The following KCNJ6 variants were observed in gnomAD, a reference collection of about 807,000 sequenced individuals.
KCNJ6 encodes the protein potassium inwardly rectifying channel subfamily J member 6.
A neutral mutation model predicts 34.2 loss-of-function variants in KCNJ6; 9 were observed. The observed-to-expected ratio is 0.26, with a 90% CI of 0.16 to 0.46. The LOEUF (loss-of-function observed/expected upper bound fraction) is 0.46, where lower values mean the gene tolerates loss of function less well. Ranked by LOEUF, KCNJ6 falls within the 20% of genes least tolerant of loss-of-function variation. KCNJ6 has a pLI of 1.00. For missense variants in KCNJ6, 236 were observed against 531.3 expected (o/e 0.44, Z 5.46); for synonymous variants, 196 against 207.1 (o/e 0.95, Z 0.46).
At chr21:37,707,821 C>T (rs969582356) in intron 3 of KCNJ6, among the ~76,000 whole-genome samples, 18 of 136,678 alleles carry the variant, frequency 1.3e-4, no homozygotes, top group East Asian at 4.3e-4. Flanking sequence ...ACCTGCTGTC[C>T]GCACTTGTAT....
rs2054280069 is a variant in KCNJ6, at chr21:37,618,348, AG to A, written c.*6810del. The A allele has an allele frequency of 6.6e-6, 1 of 152,242 alleles. No homozygotes were observed. The highest frequency in any genetic ancestry group is 2.1e-4 in the South Asian group (1 of 4,830). The allele number at this position is 152,242 out of a possible 1,614,324, so 9.4% of individuals were successfully genotyped here. Reference sequence around the variant, plus strand: ...CTGGACTAGGCTCTTTGTAGCCAAAAGTCTGCTCCTAGGCTCCTGGAAGACC... The same window carrying A: ...CTGGACTAGGCTCTTTGTAGCCAAAATCTGCTCCTAGGCTCCTGGAAGACC... On this transcript the variant is annotated 3_prime_UTR_variant, in exon 4 of 4. Transcript: ENST00000609713.
chr21:37,692,715 CAT>C (rs1323429900), intron 3 of KCNJ6, among the ~76,000 whole-genome samples: 6 of 152,236 alleles, frequency 3.9e-5, no homozygotes, highest in African/African-American at 1.4e-4. Context: ...TTCAAAGAGA[CAT>C]AGAATATTGA....
chr21:37,859,436 C>A (rs575165364), intron 1 of KCNJ6, among the ~76,000 whole-genome samples: 1 of 128,002 alleles, frequency 7.8e-6, no homozygotes, highest in African/African-American at 3.1e-5. Flanking sequence ...GAACTGGAGT[C>A]TAGGAAGGGT....
At chr21:37,853,861 T>TATATATATATATATATATATATATAG (rs940498600) in intron 1 of KCNJ6, among the ~76,000 whole-genome samples, 1 of 146,732 alleles carries the variant, frequency 6.8e-6, no homozygotes, top group Non-Finnish European at 1.5e-5. Context: ...TATATATATA[T>TATATATATATATATATATATATATAG]AAATTACATT....
At chr21:37,794,285 G>T (rs1478219369) in intron 2 of KCNJ6, among the ~76,000 whole-genome samples, 1 of 152,116 alleles carries the variant, frequency 6.6e-6, no homozygotes, top group African/African-American at 2.4e-5. Flanking sequence ...CATGTCTCTG[G>T]ACCAGACTAT....
At chr21:37,730,423 T>G (rs1250655284) in intron 2 of KCNJ6, among the ~76,000 whole-genome samples, 1 of 152,084 alleles carries the variant, frequency 6.6e-6, no homozygotes, top group African/African-American at 2.4e-5. Context: ...TTTCCTCAAC[T>G]GCATAATGAA....
At chr21:37,790,766 C>T (rs2055213029) in intron 2 of KCNJ6, among the ~76,000 whole-genome samples, 1 of 152,186 alleles carries the variant, frequency 6.6e-6, no homozygotes, top group South Asian at 2.1e-4. Context: ...ATTTCTGCTC[C>T]TCTTTTGCAA....
chr21:37,914,249 C>A (rs1601528993), intron 1 of KCNJ6, among the ~76,000 whole-genome samples: 1 of 152,102 alleles, frequency 6.6e-6, no homozygotes, highest in Non-Finnish European at 1.5e-5. Context: ...AGATTCTGCA[C>A]GAGCCAAAGA....
intron 2 of KCNJ6, among the ~76,000 whole-genome samples, chr21:37,777,891 A>C (rs1332031715): frequency 1.3e-5 from 2 of 152,172 alleles, no homozygotes; most frequent in Non-Finnish European, 2.9e-5. Flanking sequence ...GGAGCTGGGA[A>C]CATCACTCTT....
chr21:37,694,501 T>C (rs860797), intron 3 of KCNJ6, among the ~76,000 whole-genome samples: 148,884 of 152,314 alleles, frequency 0.98, 72,802 homozygotes, highest in East Asian at 1. Context: ...AAAGCACCAT[T>C]GATCAAGCTA....
chr21:37,702,193 A>G (rs1247321465), intron 3 of KCNJ6, among the ~76,000 whole-genome samples: 1 of 134,028 alleles, frequency 7.5e-6, no homozygotes, highest in Admixed American at 9.0e-5. Context: ...AGATCGTACC[A>G]CTGCACTCTA....
rs567385905 is a variant in KCNJ6 at position 37,638,973 on chromosome 21, G to A, written c.947-13489C>T. On this transcript the variant is annotated intron_variant, in intron 3 of 3. Coordinates refer to ENST00000609713, the MANE Select transcript of KCNJ6 (RefSeq NM_002240.5). ...TGAGGAATTGCTTATGCAAGACTCA[G>A]ACCTCACAGCTAAGGACCAGCAATT... Among the ~76,000 whole-genome samples, 7 of 152,306 alleles carry A rather than the reference G, an allele frequency of 4.6e-5. No individual in the cohort carries two copies. The South Asian group carries it at 1.4e-3, about 32-fold the overall frequency.
intron 3 of KCNJ6, among the ~76,000 whole-genome samples, chr21:37,664,387 G>A (rs995409940): frequency 5.9e-5 from 9 of 152,026 alleles, no homozygotes; most frequent in African/African-American, 2.2e-4. Flanking sequence ...CTGTGCAATG[G>A]GAAGAATTAA....
At chr21:37,706,387 A>G (rs1035221722) in intron 3 of KCNJ6, among the ~76,000 whole-genome samples, 2 of 152,222 alleles carry the variant, frequency 1.3e-5, no homozygotes, top group African/African-American at 2.4e-5. Context: ...TGAAAAAATT[A>G]TATTTCCCCA....
intron 2 of KCNJ6, among the ~76,000 whole-genome samples, chr21:37,769,450 A>G (rs1268995083): frequency 7.2e-6 from 1 of 139,522 alleles, no homozygotes; most frequent in Admixed American, 7.0e-5. Flanking sequence ...TTATTACTAT[A>G]TTTTTTTAGT....
chr21:37,650,491 G>C (rs1040522233), intron 3 of KCNJ6, among the ~76,000 whole-genome samples: 10 of 152,130 alleles, frequency 6.6e-5, no homozygotes, highest in African/African-American at 2.4e-4. Context: ...AACAAAGACG[G>C]CAACTGGATG....
At chr21:37,655,212 TGTGTGTGTGTGTGAGAGAGAGA>T (rs1369584369) in intron 3 of KCNJ6, among the ~76,000 whole-genome samples, 2,113 of 59,844 alleles carry the variant, frequency 0.035, 53 homozygotes, top group Non-Finnish European at 0.059. Flanking sequence ...TGTGTGTGTG[TGTGTGTGTGTGTGAGAGAGAGA>T]GAGAGAGAGA....
At chr21:37,894,374 TCAA>T (rs1317111934) in intron 1 of KCNJ6, among the ~76,000 whole-genome samples, 2 of 152,074 alleles carry the variant, frequency 1.3e-5, no homozygotes, top group African/African-American at 4.8e-5. Flanking sequence ...AGCATAAAAA[TCAA>T]CACTTGGCTG....
At chr21:37,847,620 T>A (rs1393764158) in intron 1 of KCNJ6, among the ~76,000 whole-genome samples, 1 of 152,144 alleles carries the variant, frequency 6.6e-6, no homozygotes, top group African/African-American at 2.4e-5. Flanking sequence ...AGCTTCCAGT[T>A]TGGTCCAGAA....
Sources: allele counts gnomAD v4.1 joint callset (sites outside exome capture counted in the v4.1 genomes callset), GRCh38; gene constraint gnomAD v4.1.1; transcripts MANE v1.5; gene names NCBI Gene and HGNC (gene_info 2026-07-23, HGNC 2026-07-21).